Variants in IL23R observed in about 807,000 individuals in gnomAD.
The protein encoded by IL23R is interleukin-23 receptor.
Under a neutral mutation model 56.9 loss-of-function variants are expected in IL23R, and 34 were observed. The observed-to-expected ratio is 0.60, with a 90% CI of 0.45 to 0.80. IL23R has a LOEUF of 0.80. Among genes scored for constraint, IL23R ranks in the 30% least tolerant of loss-of-function variants. The pLI is 0.00. For missense variants in IL23R, 635 were observed against 730.0 expected, an observed-to-expected ratio of 0.87 and a Z score of 1.50; for synonymous variants, 230 against 249.2, an observed-to-expected ratio of 0.92 and a Z score of 0.73.
At chr1:67,191,148 C>A (rs1464849083) in intron 4 of IL23R, among the ~76,000 whole-genome samples, 1 of 152,174 alleles carries the variant, frequency 6.6e-6, no homozygotes, top group Non-Finnish European at 1.5e-5. Context: ...AGTAATCCTA[C>A]TACATTTCAC....
intron 3 of IL23R, among the ~76,000 whole-genome samples, chr1:67,181,477 G>C (rs1349897044): frequency 6.6e-6 from 1 of 152,170 alleles, no homozygotes; most frequent in African/African-American, 2.4e-5. Flanking sequence ...ATGGTTTTCA[G>C]CTCCATCAGG....
chr1:67,236,032 C>A (rs1651448793), intron 7 of IL23R, among the ~76,000 whole-genome samples: 1 of 152,180 alleles, frequency 6.6e-6, no homozygotes, highest in Non-Finnish European at 1.5e-5. Flanking sequence ...AGGAGACTGG[C>A]AAGGCTGCAC....
At chr1:67,225,509 G>A (rs1482682457) in intron 7 of IL23R, among the ~76,000 whole-genome samples, 1 of 148,320 alleles carries the variant, frequency 6.7e-6, no homozygotes, top group African/African-American at 2.5e-5. Context: ...CATTAAGAAT[G>A]CTTGGGCACT....
chr1:67,219,015 A>G (rs1286058208), intron 6 of IL23R, among the ~76,000 whole-genome samples: 1 of 151,798 alleles, frequency 6.6e-6, no homozygotes, highest in Non-Finnish European at 1.5e-5. Context: ...AAATATATAT[A>G]CACATATATA....
intron 3 of IL23R, among the ~76,000 whole-genome samples, chr1:67,172,340 A>T (rs1646953645): frequency 6.6e-6 from 1 of 152,186 alleles, no homozygotes. Context: ...CTAGAGACAA[A>T]TTGTAAAAGA....
chr1:67,263,895 C>T (rs1206661657), downstream of IL23R, among the ~76,000 whole-genome samples: 1 of 151,830 alleles, frequency 6.6e-6, no homozygotes, highest in African/African-American at 2.4e-5. Flanking sequence ...GTTGTAGAAT[C>T]CTTAAATGTA....
At chr1:67,249,450 G>A (rs1458482327) in intron 9 of IL23R, among the ~76,000 whole-genome samples, 4 of 151,930 alleles carry the variant, frequency 2.6e-5, no homozygotes, top group African/African-American at 9.7e-5. Context: ...ACTTTAAACA[G>A]TGATATTTAA....
At chr1:67,197,667 A>T (rs890534756) in intron 4 of IL23R, among the ~76,000 whole-genome samples, 7 of 152,202 alleles carry the variant, frequency 4.6e-5, no homozygotes, top group African/African-American at 1.7e-4. Flanking sequence ...TATCTAGACC[A>T]GGTGTGGTGG....
intron 3 of IL23R, among the ~76,000 whole-genome samples, chr1:67,177,610 C>A (rs968519940): frequency 1.3e-5 from 2 of 151,674 alleles, no homozygotes; most frequent in East Asian, 1.9e-4. Flanking sequence ...TGTGCAGAAG[C>A]TCTTTAGTTT....
intron 1 of IL23R, among the ~76,000 whole-genome samples, chr1:67,143,899 A>G (rs780978386): frequency 2.6e-4 from 40 of 152,176 alleles, no homozygotes; most frequent in Non-Finnish European, 5.1e-4. Context: ...AATAAAATGC[A>G]ATTTCATAAG....
At chr1:67,221,732 T>C (rs189222925) in intron 7 of IL23R, among the ~76,000 whole-genome samples, 1 of 152,350 alleles carries the variant, frequency 6.6e-6, no homozygotes, top group African/African-American at 2.4e-5. Context: ...ATAGCATCAT[T>C]ATTATAACAT....
chr1:67,175,432 C>T (rs956759688), intron 3 of IL23R, among the ~76,000 whole-genome samples: 3 of 152,168 alleles, frequency 2.0e-5, no homozygotes, highest in African/African-American at 4.8e-5. Flanking sequence ...CAACCATCAC[C>T]ACCATTTATC....
At chr1:67,197,498 G>A (rs1648250089) in intron 4 of IL23R, among the ~76,000 whole-genome samples, 1 of 152,200 alleles carries the variant, frequency 6.6e-6, no homozygotes, top group South Asian at 2.1e-4. Flanking sequence ...ATACTTCCAT[G>A]TTACAAATGA....
chr1:67,198,058 A>G (rs1648303616), intron 4 of IL23R, among the ~76,000 whole-genome samples: 1 of 152,156 alleles, frequency 6.6e-6, no homozygotes, highest in Non-Finnish European at 1.5e-5. Flanking sequence ...TGAACAAGAT[A>G]GAGGGAGGGG....
chr1:67,207,693 GGAACT>G, intron 6 of IL23R: 1 of 340,676 alleles, frequency 2.9e-6, no homozygotes, highest in Non-Finnish European at 5.6e-6. Flanking sequence ...CCAGCCATGT[GGAACT>G]GTAAGTCCAA....
At chr1:67,144,309 T>C (rs928965067) in intron 1 of IL23R, among the ~76,000 whole-genome samples, 1 of 152,246 alleles carries the variant, frequency 6.6e-6, no homozygotes, top group African/African-American at 2.4e-5. Context: ...TTTTCACTGC[T>C]ACTGGGGTCT....
chr1:67,232,303 G>A (rs779333407), intron 7 of IL23R, among the ~76,000 whole-genome samples: 5 of 152,166 alleles, frequency 3.3e-5, no homozygotes, highest in Non-Finnish European at 5.9e-5. Flanking sequence ...AAATGGGTTA[G>A]CACAGTAGGG....
intron 3 of IL23R, among the ~76,000 whole-genome samples, chr1:67,178,842 G>C (rs866076736): frequency 4.6e-5 from 7 of 152,214 alleles, no homozygotes; most frequent in Middle Eastern, 3.4e-3. Flanking sequence ...GTTGAATTTT[G>C]TCAAAGGCCT....
At chr1:67,158,682 G>C (rs1480165017) in intron 1 of IL23R, among the ~76,000 whole-genome samples, 1 of 152,052 alleles carries the variant, frequency 6.6e-6, no homozygotes, top group Non-Finnish European at 1.5e-5. Context: ...GTTTGGTCTG[G>C]TGTCCAAGTC....
Sources: allele counts gnomAD v4.1 joint callset (sites outside exome capture counted in the v4.1 genomes callset), GRCh38; gene constraint gnomAD v4.1.1; transcripts MANE v1.5; gene names NCBI Gene and HGNC (gene_info 2026-07-23, HGNC 2026-07-21).